PARP8: variants seen among roughly 807,000 people sequenced by gnomAD.
PARP8 encodes poly(ADP-ribose) polymerase family member 8.
In PARP8, 51 loss-of-function variants were observed where a neutral mutation model predicts 124.1. That is an observed-to-expected ratio of 0.41 (90% CI 0.33 to 0.52). The LOEUF is 0.52. Ranked by LOEUF, PARP8 falls within the 20% of genes least tolerant of loss-of-function variation. PARP8 has a pLI of 0.21. For synonymous variants in PARP8, 391 were observed against 361.5 expected (o/e 1.08, Z -0.93); for missense variants, 860 against 1,018.9 (o/e 0.84, Z 2.12).
At chr5:50,671,312 G>A (rs894616091) in intron 2 of PARP8, among the ~76,000 whole-genome samples, 1 of 152,190 alleles carries the variant, frequency 6.6e-6, no homozygotes, top group Non-Finnish European at 1.5e-5. Flanking sequence ...GACAGCTACT[G>A]AGGGGATGGA....
At chr5:50,796,312 A>G (rs1358483491) in intron 12 of PARP8, among the ~76,000 whole-genome samples, 1 of 152,182 alleles carries the variant, frequency 6.6e-6, no homozygotes, top group Non-Finnish European at 1.5e-5. Context: ...ATATAGGTTT[A>G]TTTCTAAAAT....
intron 3 of PARP8, among the ~76,000 whole-genome samples, chr5:50,754,628 G>C (rs1278291701): frequency 1.3e-5 from 2 of 152,150 alleles, no homozygotes; most frequent in Admixed American, 6.6e-5. Flanking sequence ...ATTGTGAATA[G>C]TGCTGCAATA....
At chr5:50,734,310 AT>A (rs1757273710) in intron 2 of PARP8, among the ~76,000 whole-genome samples, 1 of 152,088 alleles carries the variant, frequency 6.6e-6, no homozygotes, top group East Asian at 1.9e-4. Context: ...TCTCTTCATG[AT>A]TCCCCAGCCC....
At chr5:50,811,242 G>A (rs1258047508) in intron 14 of PARP8, among the ~76,000 whole-genome samples, 1 of 152,144 alleles carries the variant, frequency 6.6e-6, no homozygotes, top group African/African-American at 2.4e-5. Context: ...CAGTTGACAA[G>A]TCAATAAAGT....
At chr5:50,713,839 G>A (rs187643084) in intron 2 of PARP8, among the ~76,000 whole-genome samples, 85 of 152,146 alleles carry the variant, frequency 5.6e-4, no homozygotes, top group South Asian at 1.7e-3. Context: ...ATCTGAAGAT[G>A]CTCTGCTGCA....
chr5:50,755,678 C>T (rs541984807), intron 3 of PARP8, among the ~76,000 whole-genome samples: 1 of 152,138 alleles, frequency 6.6e-6, no homozygotes, highest in South Asian at 2.1e-4. Context: ...TTTTTTGGTT[C>T]CATATGAACT....
chr5:50,756,537 C>G (rs1759979972), intron 3 of PARP8, among the ~76,000 whole-genome samples: 1 of 152,038 alleles, frequency 6.6e-6, no homozygotes, highest in African/African-American at 2.4e-5. Context: ...AGATCATGAG[C>G]AAACCTCTCA....
chr5:50,667,576 G>T, intron 1 of PARP8: 2 of 698,896 alleles, frequency 2.9e-6, no homozygotes, highest in South Asian at 3.0e-5. Context: ...GGCCGGGAAT[G>T]GAGCCTGCTG....
At chr5:50,778,508 C>A in intron 8 of PARP8, 52 bp from the exon 9 acceptor site, 6 of 1,365,272 alleles carry the variant, frequency 4.4e-6, no homozygotes, top group South Asian at 1.3e-5. Flanking sequence ...TTTTTTTTTT[C>A]ATTTTGAACT....
intron 10 of PARP8, among the ~76,000 whole-genome samples, chr5:50,792,234 G>A (rs1203436460): frequency 6.6e-6 from 1 of 152,060 alleles, no homozygotes; most frequent in Non-Finnish European, 1.5e-5. Flanking sequence ...AAATACTGAA[G>A]TCCCTTCATG....
chr5:50,790,610 A>G (rs573590853), intron 10 of PARP8, among the ~76,000 whole-genome samples: 31 of 152,312 alleles, frequency 2.0e-4, no homozygotes, highest in Admixed American at 8.5e-4. Context: ...TTACAAAAGT[A>G]CACAGGTCTA....
At chr5:50,790,183 G>C (rs1234251899) in intron 10 of PARP8, among the ~76,000 whole-genome samples, 1 of 152,162 alleles carries the variant, frequency 6.6e-6, no homozygotes, top group East Asian at 1.9e-4. Context: ...TTAATGTTTA[G>C]AATTCTGCCT....
At chr5:50,790,608 G>A (rs1393910928) in intron 10 of PARP8, among the ~76,000 whole-genome samples, 1 of 152,034 alleles carries the variant, frequency 6.6e-6, no homozygotes, top group East Asian at 1.9e-4. Context: ...ATTTACAAAA[G>A]TACACAGGTC....
intron 14 of PARP8, among the ~76,000 whole-genome samples, chr5:50,808,383 C>G (rs192027587): frequency 1.3e-5 from 2 of 151,928 alleles, no homozygotes; most frequent in Non-Finnish European, 2.9e-5. Context: ...GAAAAAGTTA[C>G]GTATTAATCA....
intron 3 of PARP8, chr5:50,757,329 A>G (rs1278943913): frequency 6.0e-6 from 2 of 334,812 alleles, no homozygotes; most frequent in African/African-American, 4.3e-5. Flanking sequence ...TCTTCCAAAA[A>G]GAGAACAGAG....
chr5:50,762,138 A>G (rs1760607580), intron 6 of PARP8, among the ~76,000 whole-genome samples: 1 of 152,146 alleles, frequency 6.6e-6, no homozygotes, highest in East Asian at 1.9e-4. Flanking sequence ...AATTCATTAC[A>G]GCGATTTTGC....
chr5:50,833,544 A>C (rs904168823), intron 23 of PARP8: 20 of 329,938 alleles, frequency 6.1e-5, no homozygotes, highest in Non-Finnish European at 1.1e-4. Context: ...TTTCTACATG[A>C]AATGTTTCTG....
At chr5:50,687,361 A>T (rs1001536734) in intron 2 of PARP8, among the ~76,000 whole-genome samples, 1 of 152,174 alleles carries the variant, frequency 6.6e-6, no homozygotes. Flanking sequence ...TTTATTGTCC[A>T]TATTGCTATC....
At chr5:50,707,403 T>C (rs1397751944) in intron 2 of PARP8, among the ~76,000 whole-genome samples, 3 of 152,224 alleles carry the variant, frequency 2.0e-5, no homozygotes, top group Non-Finnish European at 2.9e-5. Flanking sequence ...TTATTTTTTG[T>C]ACTCATTTCA....
Sources: gnomAD v4.1 joint callset for allele counts (sites outside exome capture counted in the v4.1 genomes callset) on GRCh38, gnomAD v4.1.1 for gene constraint, MANE v1.5 for transcripts, NCBI Gene and HGNC (gene_info 2026-07-23, HGNC 2026-07-21) for gene names.